Variants in TET2 observed in about 807,000 individuals in gnomAD.
The protein encoded by TET2 is methylcytosine dioxygenase TET2.
A neutral mutation model predicts 142.9 loss-of-function variants in TET2; 299 were observed. That is an observed-to-expected ratio of 2.09 (90% CI 1.90 to 2.30). The LOEUF is 2.30. Among genes scored for constraint, TET2 ranks in the 30% most tolerant of loss-of-function variants. TET2 has a pLI of 0.00. For synonymous variants in TET2, 819 were observed against 849.0 expected, an observed-to-expected ratio of 0.96 and a Z score of 0.61; for missense variants, 2,418 against 2,378.0, an observed-to-expected ratio of 1.02 and a Z score of -0.35.
In TET2 at chr4:105,234,455, CA is replaced by C; in HGVS notation, c.514del (p.Ser172ValfsTer11). 6.2e-7 allele frequency: 1 copy of C among 1,613,984 alleles called. No individual in the cohort carries two copies. The highest frequency in any genetic ancestry group is 1.7e-5 in the Admixed American group (1 of 59,990). On this transcript the variant is annotated frameshift_variant, in exon 3 of 11. Coordinates refer to ENST00000380013, the MANE Select transcript of TET2 (RefSeq NM_001127208.3). LOFTEE classifies it high-confidence loss of function. ...DFTSFSTHNCSGPENPELQIL... is the reference protein window; with the variant it reads ...DFTSFSTHNCXGPENPELQIL... ...TCACCAGTTTTTCAACACATAACTGCAGTGGGCCTGAAAATCCAGAGCTTCA... is the reference window on the plus strand; with the variant it reads ...TCACCAGTTTTTCAACACATAACTGCGTGGGCCTGAAAATCCAGAGCTTCA...
At chr4:105,200,373 A>C (rs886294075) in intron 2 of TET2, among the ~76,000 whole-genome samples, 1 of 151,880 alleles carries the variant, frequency 6.6e-6, no homozygotes. Context: ...TCCTTTGCCC[A>C]CTTTTTCAAT....
At chr4:105,152,595 TTTC>T (rs373998476) in intron 1 of TET2, among the ~76,000 whole-genome samples, 55,633 of 121,624 alleles carry the variant, frequency 0.46, 12,980 homozygotes, top group Non-Finnish European at 0.54. Context: ...TCTTTCTTTC[TTTC>T]TTTTTTTTTT....
intron 2 of TET2, among the ~76,000 whole-genome samples, chr4:105,197,177 G>A (rs916756448): frequency 6.6e-6 from 1 of 152,176 alleles, no homozygotes; most frequent in African/African-American, 2.4e-5. Context: ...GTTGAGATTT[G>A]TGAGGTTTTA....
chr4:105,170,356 A>G (rs1312007193), intron 1 of TET2, among the ~76,000 whole-genome samples: 1 of 152,138 alleles, frequency 6.6e-6, no homozygotes, highest in African/African-American at 2.4e-5. Flanking sequence ...TAAAATGGCA[A>G]TGACTATAGT....
chr4:105,188,273 G>T lies in TET2; in HGVS notation c.-192-2087G>T, dbSNP rs139756715. 4.5e-4 allele frequency among the ~76,000 whole-genome samples: 68 copies of T among 152,234 alleles called. 1 individual carries two copies. The East Asian group carries it at 0.012, about 26-fold the overall frequency. ...AAGTGGAATAAGCCAATCACACAAA[G>T]AAAAATATTATGATTCCACTTACAT... On this transcript the variant is annotated intron_variant, in intron 1 of 10. Transcript: ENST00000380013.
At chr4:105,268,426 G>T (rs1730796287) in intron 8 of TET2, among the ~76,000 whole-genome samples, 2 of 152,060 alleles carry the variant, frequency 1.3e-5, no homozygotes. Flanking sequence ...TATGTTAATG[G>T]ATCAAAAGAC....
chr4:105,229,819 A>G (rs1405702242), intron 2 of TET2, among the ~76,000 whole-genome samples: 1 of 151,960 alleles, frequency 6.6e-6, no homozygotes, highest in Non-Finnish European at 1.5e-5. Flanking sequence ...ATTCTTATAT[A>G]AACTGTTGTG....
intron 2 of TET2, among the ~76,000 whole-genome samples, chr4:105,191,489 T>C (rs1233051651): frequency 1.3e-5 from 2 of 152,022 alleles, no homozygotes; most frequent in Non-Finnish European, 1.5e-5. Context: ...CTGGATTAGA[T>C]AGAAAAAAGG....
chr4:105,241,336 C>T lies in TET2; in HGVS notation c.3410-3C>T, dbSNP rs2110248516. On this transcript the variant is annotated splice_polypyrimidine_tract_variant and splice_region_variant and intron_variant, in intron 3 of 10. Coordinates refer to ENST00000380013, the MANE Select transcript of TET2 (RefSeq NM_001127208.3). ...AAATAATAATCTTCTATTATCTCAA[C>T]AGAGCAAATTATTGAAAAAGATGAA... 6.5e-7 allele frequency: 1 copy of T among 1,542,628 alleles called. No homozygotes were observed. The highest frequency in any genetic ancestry group is 8.8e-7 in the Non-Finnish European group (1 of 1,142,796).
intron 9 of TET2, among the ~76,000 whole-genome samples, chr4:105,270,915 C>G (rs756947306): frequency 2.0e-5 from 3 of 152,070 alleles, no homozygotes; most frequent in Non-Finnish European, 2.9e-5. Context: ...GAAAAGCATT[C>G]ATGGAGGTAT....
intron 2 of TET2, among the ~76,000 whole-genome samples, chr4:105,199,920 G>GTTT (rs34853642): frequency 2.0e-5 from 3 of 151,610 alleles, no homozygotes; most frequent in Admixed American, 6.6e-5. Context: ...ATATAACACA[G>GTTT]TTTTTTTTTA....
intron 1 of TET2, among the ~76,000 whole-genome samples, chr4:105,161,972 C>T (rs572028850): frequency 6.6e-6 from 1 of 152,076 alleles, no homozygotes; most frequent in African/African-American, 2.4e-5. Flanking sequence ...TAAGCTGAAT[C>T]CTCTTTGGTA....
chr4:105,194,812 A>G (rs1479343813), intron 2 of TET2, among the ~76,000 whole-genome samples: 1 of 152,210 alleles, frequency 6.6e-6, no homozygotes, highest in Non-Finnish European at 1.5e-5. Context: ...CAGTAGCTTT[A>G]CAATTCTTTA....
At chr4:105,215,290 G>A (rs1727427313) in intron 2 of TET2, among the ~76,000 whole-genome samples, 2 of 152,068 alleles carry the variant, frequency 1.3e-5, no homozygotes, top group Non-Finnish European at 1.5e-5. Flanking sequence ...TTCTTCAACT[G>A]AGTAGCATTT....
chr4:105,257,443 T>G (rs186228498), intron 6 of TET2, among the ~76,000 whole-genome samples: 3 of 152,290 alleles, frequency 2.0e-5, no homozygotes, highest in African/African-American at 7.2e-5. Flanking sequence ...CTTGGTTAAC[T>G]TAGAGGTCAG....
In TET2 at chr4:105,201,452, T is replaced by TACAAA. The variant is rs1553948475; in HGVS notation, c.-47+10947_-47+10948insACAAA. Among the ~76,000 whole-genome samples the TACAAA allele has an allele frequency of 1.6e-3, 246 of 152,332 alleles. 1 individual carries two copies. The East Asian group carries it at 0.034, about 21-fold the overall frequency. On this transcript the variant is annotated intron_variant, in intron 2 of 10. Transcript: ENST00000380013. The stretch of plus-strand genomic sequence containing the variant: ...GGGGGTGCATTTGTGCTATGCTTGT[T>TACAAA]TTTGTTCCCATTTCAGTGCTCAATT...
intron 1 of TET2, among the ~76,000 whole-genome samples, chr4:105,186,330 A>G (rs1725440939): frequency 6.6e-6 from 1 of 152,056 alleles, no homozygotes; most frequent in African/African-American, 2.4e-5. Flanking sequence ...AACCCCCTTC[A>G]TGGCCCTTAT....
intron 6 of TET2, among the ~76,000 whole-genome samples, chr4:105,249,056 C>T (rs1250018506): frequency 2.2e-5 from 3 of 139,090 alleles, no homozygotes; most frequent in Non-Finnish European, 4.5e-5. Context: ...GAGACAGAGT[C>T]TCGCTCTGTT....
chr4:105,275,511 G>A lies in TET2; in HGVS notation c.5001G>A (p.Leu1667=). Residue 1667 remains leucine, a synonymous_variant, in exon 11 of 11, where the codon CTG becomes CTA. Transcript: ENST00000380013. ...ATAGGTATCCAAGCCAAGACCCTCTGTCTAAGCTCAGTCTACCACCCATCC... is the reference window on the plus strand; with the variant it reads ...ATAGGTATCCAAGCCAAGACCCTCTATCTAAGCTCAGTCTACCACCCATCC... ...DLYRYPSQDP[L]SKLSLPPIHT... 2 of 1,551,644 alleles carry A rather than the reference G, an allele frequency of 1.3e-6. No homozygotes were observed.
Sources: gnomAD v4.1 joint callset for allele counts (sites outside exome capture counted in the v4.1 genomes callset) on GRCh38, gnomAD v4.1.1 for gene constraint, MANE v1.5 for transcripts, NCBI Gene and HGNC (gene_info 2026-07-23, HGNC 2026-07-21) for gene names.